The following RBFOX1 variants were observed in gnomAD, a reference collection of about 807,000 sequenced individuals.
The protein encoded by RBFOX1 is RNA binding protein fox-1 homolog 1.
RBFOX1 carries 8 observed loss-of-function variants against 57.7 expected under a neutral mutation model. The ratio of observed to expected loss-of-function variants is 0.14; its 90% CI spans 0.08 to 0.25. The LOEUF is 0.25. Ranked by LOEUF, RBFOX1 falls within the 10% of genes least tolerant of loss-of-function variation. RBFOX1 has a pLI of 1.00. For missense variants in RBFOX1, 611 were observed against 548.5 expected, an observed-to-expected ratio of 1.11 and a Z score of -1.14; for synonymous variants, 326 against 222.4, an observed-to-expected ratio of 1.47 and a Z score of -4.15.
rs778887911 is a variant in RBFOX1, at chr16:5,565,414, T to A, written c.259-33488T>A. Among the ~76,000 whole-genome samples, 201 of 151,984 alleles carry A rather than the reference T, an allele frequency of 1.3e-3. 1 individual carries two copies. Among genetic ancestry groups the A allele is most frequent in the South Asian group, 1.7e-3 (8 of 4,812 alleles). ...GCTGAGATGGGCAGATCACCTGAGG[T>A]TGGGAGTTCAAAAGCAGCCTGACCA... On this transcript the variant is annotated intron_variant, in intron 2 of 2. Transcript: ENST00000585867.
chr16:5,416,684 T>TG (rs201460786), intron 1 of RBFOX1, among the ~76,000 whole-genome samples: 4,598 of 152,204 alleles, frequency 0.03, 81 homozygotes, highest in Middle Eastern at 0.12. Flanking sequence ...ATGTGTCTTT[T>TG]TTTTTTTTCC....
rs869240597 is a variant in RBFOX1, at chr16:5,651,040, C to CTTTTTTTTTTTTTTTTTTT, written c.318+52091_318+52109dup. On this transcript the variant is annotated intron_variant, in intron 3 of 19. Transcript: ENST00000641259. The stretch of plus-strand genomic sequence containing the variant: ...TCCTCTGGGAGAACACTACCTCCTT[C>CTTTTTTTTTTTTTTTTTTT]TTTTTTTTTTTTTTTTTTTTTTTTT... 2.5e-4 allele frequency among the ~76,000 whole-genome samples: 14 copies of CTTTTTTTTTTTTTTTTTTT among 56,896 alleles called. 4 individuals are homozygous for CTTTTTTTTTTTTTTTTTTT. Among genetic ancestry groups the CTTTTTTTTTTTTTTTTTTT allele is most frequent in the East Asian group, 2.3e-3 (4 of 1,724 alleles). 37.3% of individuals were successfully genotyped at this position (56,896 alleles called of 152,430 possible). A position where few individuals can be genotyped will look rare whatever the true frequency, so the allele number is the denominator to read the frequency against.
At chr16:5,728,133 T>C (rs1212330186) in intron 3 of RBFOX1, among the ~76,000 whole-genome samples, 1 of 152,198 alleles carries the variant, frequency 6.6e-6, no homozygotes, top group East Asian at 1.9e-4. Context: ...AAAATCACAA[T>C]CTCAAAGAGA....
chr16:5,463,071 G>T (rs1436751145), intron 1 of RBFOX1, among the ~76,000 whole-genome samples: 1 of 152,152 alleles, frequency 6.6e-6, no homozygotes. Flanking sequence ...TATATACATA[G>T]ATGATAGATA....
chr16:6,478,806 T>C (rs1459923936), intron 2 of RBFOX1, among the ~76,000 whole-genome samples: 6 of 152,080 alleles, frequency 3.9e-5, no homozygotes, highest in Admixed American at 1.3e-4. Context: ...GTGTGCCATC[T>C]TATATGGGCA....
chr16:5,805,489 T>C (rs1321927432), intron 3 of RBFOX1, among the ~76,000 whole-genome samples: 3 of 152,184 alleles, frequency 2.0e-5, no homozygotes, highest in African/African-American at 7.2e-5. Context: ...AGATCCAAAA[T>C]GTAAGCTTCT....
chr16:5,498,550 G>C (rs1468776320), intron 2 of RBFOX1, among the ~76,000 whole-genome samples: 2 of 152,180 alleles, frequency 1.3e-5, no homozygotes, highest in African/African-American at 2.4e-5. Flanking sequence ...AGAATAAAGG[G>C]TGGTGGGAGG....
intron 2 of RBFOX1, among the ~76,000 whole-genome samples, chr16:6,567,046 TG>T (rs941988653): frequency 6.6e-6 from 1 of 152,198 alleles, no homozygotes; most frequent in African/African-American, 2.4e-5. Context: ...TTGAAATTAA[TG>T]GTCAGACTCT....
At chr16:7,169,983 G>C (rs767602024) in intron 4 of RBFOX1, among the ~76,000 whole-genome samples, 2 of 152,096 alleles carry the variant, frequency 1.3e-5, no homozygotes, top group Non-Finnish European at 2.9e-5. Context: ...TCAGGTAGGA[G>C]GATCACTTGA....
chr16:5,758,375 C>A (rs1193796251), intron 3 of RBFOX1, among the ~76,000 whole-genome samples: 1 of 152,144 alleles, frequency 6.6e-6, no homozygotes, highest in Admixed American at 6.5e-5. Context: ...GCTCTTGTAA[C>A]TGCGAGCTTG....
chr16:7,122,894 G>A (rs1169487778), intron 4 of RBFOX1, among the ~76,000 whole-genome samples: 2 of 152,194 alleles, frequency 1.3e-5, no homozygotes, highest in South Asian at 2.1e-4. Flanking sequence ...TGATATATGT[G>A]ACAACTTGGA....
intron 3 of RBFOX1, among the ~76,000 whole-genome samples, chr16:6,962,494 G>A (rs1272301435): frequency 6.6e-6 from 1 of 152,170 alleles, no homozygotes; most frequent in Non-Finnish European, 1.5e-5. Flanking sequence ...GCCGCAGTGT[G>A]TCCCTGGCAT....
At chr16:7,159,565 G>C (rs1047394810) in intron 4 of RBFOX1, among the ~76,000 whole-genome samples, 1 of 152,122 alleles carries the variant, frequency 6.6e-6, no homozygotes, top group East Asian at 1.9e-4. Flanking sequence ...TTGAACATGA[G>C]TCCCCAGCCA....
chr16:7,025,406 G>A (rs1482286852), intron 3 of RBFOX1, among the ~76,000 whole-genome samples: 2 of 152,120 alleles, frequency 1.3e-5, no homozygotes, highest in Non-Finnish European at 2.9e-5. Context: ...CTTATGACCT[G>A]TATTTTGTGC....
intron 4 of RBFOX1, among the ~76,000 whole-genome samples, chr16:7,378,790 A>G (rs1459719745): frequency 6.6e-6 from 1 of 152,186 alleles, no homozygotes; most frequent in East Asian, 1.9e-4. Flanking sequence ...TCTTGGGCAC[A>G]CTGCAAAGTC....
intron 4 of RBFOX1, among the ~76,000 whole-genome samples, chr16:7,265,951 C>G (rs1417018194): frequency 1.5e-5 from 2 of 134,308 alleles, no homozygotes; most frequent in African/African-American, 5.8e-5. Context: ...GTTATGAGAT[C>G]TGGTGGGTTT....
At chr16:7,211,107 C>T (rs1603236253) in intron 4 of RBFOX1, among the ~76,000 whole-genome samples, 1 of 146,090 alleles carries the variant, frequency 6.8e-6, no homozygotes, top group African/African-American at 2.5e-5. Context: ...AAAAAGGACT[C>T]TGGGCCGGGT....
At chr16:5,979,276 A>G (rs867727165) in intron 4 of RBFOX1, among the ~76,000 whole-genome samples, 27 of 152,304 alleles carry the variant, frequency 1.8e-4, no homozygotes, top group Non-Finnish European at 3.1e-4. Flanking sequence ...CGTGAGAGGT[A>G]TCATTTGTTG....
intron 10 of RBFOX1, among the ~76,000 whole-genome samples, chr16:7,627,278 T>C (rs2060227807): frequency 6.6e-6 from 1 of 151,904 alleles, no homozygotes; most frequent in Non-Finnish European, 1.5e-5. Flanking sequence ...CCAACTCTAA[T>C]CAAATGGGAA....
Sources: allele counts gnomAD v4.1 joint callset (sites outside exome capture counted in the v4.1 genomes callset), GRCh38; gene constraint gnomAD v4.1.1; transcripts MANE v1.5; gene names NCBI Gene and HGNC (gene_info 2026-07-23, HGNC 2026-07-21).